Variants in KLHL1 observed in about 807,000 individuals in gnomAD.
KLHL1 encodes the protein kelch-like protein 1.
KLHL1 carries 47 observed loss-of-function variants against 77.7 expected under a neutral mutation model. The ratio of observed to expected loss-of-function variants is 0.60; its 90% CI spans 0.48 to 0.77. KLHL1 has a LOEUF of 0.77. Among genes scored for constraint, KLHL1 ranks in the 30% least tolerant of loss-of-function variants. The pLI is 0.00. For synonymous variants in KLHL1, 360 were observed against 325.2 expected, an observed-to-expected ratio of 1.11 and a Z score of -1.15; for missense variants, 925 against 910.8, an observed-to-expected ratio of 1.02 and a Z score of -0.20.
chr13:69,888,197 T>C (rs908853792), intron 4 of KLHL1, among the ~76,000 whole-genome samples: 1 of 152,078 alleles, frequency 6.6e-6, no homozygotes, highest in Admixed American at 6.6e-5. Flanking sequence ...ACTAATCCCA[T>C]TTATCAAGGC....
intron 1 of KLHL1, among the ~76,000 whole-genome samples, chr13:69,981,160 G>C (rs1884692022): frequency 6.6e-6 from 1 of 152,088 alleles, no homozygotes; most frequent in Non-Finnish European, 1.5e-5. Context: ...AATAACTGCT[G>C]TAACCAGAAT....
At chr13:70,044,233 T>C (rs1324533586) in intron 1 of KLHL1, among the ~76,000 whole-genome samples, 2 of 152,204 alleles carry the variant, frequency 1.3e-5, no homozygotes, top group Admixed American at 6.5e-5. Flanking sequence ...CCCACGTACA[T>C]GCACTTCACT....
chr13:69,777,810 T>A (rs1286046884), intron 7 of KLHL1, among the ~76,000 whole-genome samples: 3 of 152,130 alleles, frequency 2.0e-5, no homozygotes, highest in African/African-American at 7.2e-5. Context: ...GTCCATTAAC[T>A]AATCTGGACT....
intron 4 of KLHL1, among the ~76,000 whole-genome samples, chr13:69,888,823 A>G (rs1023019713): frequency 6.6e-6 from 1 of 152,094 alleles, no homozygotes; most frequent in African/African-American, 2.4e-5. Flanking sequence ...TTATAATTTT[A>G]AAAAAACTTA....
At chr13:69,900,273 A>G (rs1173714505) in intron 4 of KLHL1, among the ~76,000 whole-genome samples, 2 of 152,198 alleles carry the variant, frequency 1.3e-5, no homozygotes, top group Non-Finnish European at 2.9e-5. Context: ...CAATGGGCTC[A>G]TGAACGTAAT....
chr13:69,945,319 GATAAA>G (rs1883490793), intron 3 of KLHL1, among the ~76,000 whole-genome samples: 1 of 151,762 alleles, frequency 6.6e-6, no homozygotes, highest in Non-Finnish European at 1.5e-5. Context: ...AAATTTATTT[GATAAA>G]ATATCAAAAA....
intron 6 of KLHL1, among the ~76,000 whole-genome samples, chr13:69,825,644 C>T (rs1482609064): frequency 6.6e-6 from 1 of 152,036 alleles, no homozygotes; most frequent in East Asian, 1.9e-4. Context: ...ATAGGGAGAT[C>T]ACTGTCTAAC....
intron 8 of KLHL1, among the ~76,000 whole-genome samples, chr13:69,726,724 C>T (rs1212553523): frequency 6.6e-6 from 1 of 152,070 alleles, no homozygotes; most frequent in Non-Finnish European, 1.5e-5. Flanking sequence ...CAGAATTCAC[C>T]AACCCAAAAC....
At chr13:70,101,783 G>C (rs1887928585) in intron 1 of KLHL1, among the ~76,000 whole-genome samples, 1 of 152,140 alleles carries the variant, frequency 6.6e-6, no homozygotes, top group East Asian at 1.9e-4. Context: ...CTTGCTCAGA[G>C]AGAAGGGTGC....
chr13:69,707,766 C>T lies in KLHL1; in HGVS notation c.2046G>A (p.Met682Ile). ...RYDPKTDTWT[M>I]VAPLSMPRDA... ...CTCTGGGCATACTCAAAGGAGCCAC[C>T]ATGGTCCAAGTGTCTGTTTTGGGAT... Residue 682 changes from methionine (M) to isoleucine (I), a missense_variant, in exon 10 of 11, where the codon ATG (methionine) becomes ATA (isoleucine). By Grantham distance (10) the Met-to-Ile change is conservative (BLOSUM62 1). Transcript: ENST00000377844. 6.2e-7 allele frequency: 1 copy of T among 1,612,616 alleles called. No homozygotes were observed. The highest frequency in any genetic ancestry group is 8.5e-7 in the Non-Finnish European group (1 of 1,179,094).
chr13:70,080,589 T>C (rs1365557609), intron 1 of KLHL1, among the ~76,000 whole-genome samples: 3 of 152,080 alleles, frequency 2.0e-5, no homozygotes, highest in Non-Finnish European at 4.4e-5. Context: ...CTCTATTTAT[T>C]TTACTTTGTT....
chr13:69,907,014 G>C (rs777057257), intron 4 of KLHL1, among the ~76,000 whole-genome samples: 1 of 151,874 alleles, frequency 6.6e-6, no homozygotes, highest in Non-Finnish European at 1.5e-5. Context: ...TATTGTCTAT[G>C]ATTTTCAAAC....
At chr13:69,990,875 C>T (rs1209636989) in intron 1 of KLHL1, among the ~76,000 whole-genome samples, 1 of 151,870 alleles carries the variant, frequency 6.6e-6, no homozygotes, top group Non-Finnish European at 1.5e-5. Context: ...TCACACGGTA[C>T]ATGCTCTAAA....
chr13:69,917,551 G>A (rs115134156), intron 4 of KLHL1, among the ~76,000 whole-genome samples: 9 of 152,148 alleles, frequency 5.9e-5, no homozygotes, highest in Middle Eastern at 3.4e-3. Context: ...GGTTGATTTC[G>A]TTTCTGTGGC....
intron 1 of KLHL1, among the ~76,000 whole-genome samples, chr13:70,033,091 C>T (rs1461827078): frequency 6.6e-6 from 1 of 151,958 alleles, no homozygotes; most frequent in Admixed American, 6.6e-5. Flanking sequence ...ATCTTTTTCC[C>T]CCTGAAATAA....
At chr13:69,939,552 A>G (rs1883301394) in intron 4 of KLHL1, among the ~76,000 whole-genome samples, 1 of 151,898 alleles carries the variant, frequency 6.6e-6, no homozygotes, top group Admixed American at 6.6e-5. Flanking sequence ...GTGAATGTAC[A>G]AAGGTAGATA....
chr13:69,833,747 G>GTGTA, intron 6 of KLHL1, among the ~76,000 whole-genome samples: 1 of 142,348 alleles, frequency 7.0e-6, no homozygotes, highest in African/African-American at 2.7e-5. Context: ...AGAAATAATG[G>GTGTA]TATATATATA....
intron 4 of KLHL1, among the ~76,000 whole-genome samples, chr13:69,923,430 T>A (rs1304117064): frequency 6.6e-6 from 1 of 152,182 alleles, no homozygotes; most frequent in African/African-American, 2.4e-5. Context: ...AAAGTTCTTG[T>A]CTTCTTGAAA....
At chr13:69,816,222 C>T (rs1028166454) in intron 6 of KLHL1, among the ~76,000 whole-genome samples, 3 of 150,854 alleles carry the variant, frequency 2.0e-5, no homozygotes, top group Non-Finnish European at 4.4e-5. Context: ...TGTGTGAATG[C>T]AATTAATATA....
Sources: gnomAD v4.1 joint callset for allele counts (sites outside exome capture counted in the v4.1 genomes callset) on GRCh38, gnomAD v4.1.1 for gene constraint, MANE v1.5 for transcripts, NCBI Gene and HGNC (gene_info 2026-07-23, HGNC 2026-07-21) for gene names.